The following BOD1L1 variants were observed in gnomAD, a reference collection of about 807,000 sequenced individuals.
The protein encoded by BOD1L1 is biorientation of chromosomes in cell division 1 like 1.
BOD1L1 carries 86 observed loss-of-function variants against 240.7 expected under a neutral mutation model. The observed-to-expected ratio is 0.36, with a 90% confidence interval of 0.30 to 0.43. BOD1L1 has a LOEUF of 0.43. BOD1L1 is among the 20% of genes least tolerant of loss of function. BOD1L1 has a pLI of 1.00. For synonymous variants in BOD1L1, 1,268 were observed against 1,272.3 expected, an observed-to-expected ratio of 1.00 and a Z score of 0.07; for missense variants, 3,554 against 3,643.5, an observed-to-expected ratio of 0.98 and a Z score of 0.63.
In BOD1L1 at chr4:13,579,352, C is replaced by T. The variant is rs183834463; in HGVS notation, c.8749+576G>A. Among the ~76,000 whole-genome samples the T allele has an allele frequency of 5.5e-3, 833 of 152,260 alleles. 10 individuals carry two copies. The highest frequency in any genetic ancestry group is 6.4e-3 in the Non-Finnish European group (432 of 68,024). On this transcript the variant is annotated intron_variant, in intron 22 of 25. Transcript: ENST00000040738. ...CAAAAAATAAATGAACCTTAATTTACCAAGACACAAGAAAAAATGAAGTAC... is the reference window on the plus strand; with the variant it reads ...CAAAAAATAAATGAACCTTAATTTATCAAGACACAAGAAAAAATGAAGTAC...
chr4:13,596,549 T>C (rs918142396), intron 11 of BOD1L1, among the ~76,000 whole-genome samples: 2 of 149,690 alleles, frequency 1.3e-5, no homozygotes, highest in Non-Finnish European at 3.0e-5. Context: ...AAAGAGGATA[T>C]GGAGACTAAA....
At position 13,603,538 on chromosome 4, in the gene BOD1L1, T is replaced by C. The variant is rs1166587104; in HGVS notation, c.3362A>G (p.Glu1121Gly). Residue 1121 changes from glutamate (E) to glycine (G), a missense_variant, in exon 10 of 26, where the codon GAA becomes GGA. Glu to Gly is a moderately conservative substitution (Grantham distance 98, BLOSUM62 -2). Transcript: ENST00000040738. ...MTLIPEQEPM[E>G]IDSEPGVENV... ...TTCAACACCTGGCTCAGAATCAATT[T>C]CCATTGGCTCTTGTTCAGGGATCAA... 6.2e-6 allele frequency: 10 copies of C among 1,613,948 alleles called. No individual in the cohort carries two copies. The highest frequency in any genetic ancestry group is 1.3e-5 in the African/African-American group (1 of 74,944).
chr4:13,579,940 C>T lies in BOD1L1; in HGVS notation c.8737G>A (p.Val2913Ile). Residue 2913 changes from valine (V) to isoleucine (I), a missense_variant, in exon 22 of 26, where the codon GTA (valine) becomes ATA (isoleucine). By Grantham distance (29) the Val-to-Ile change is conservative. Around this residue, in one of 2 missense-constraint regions of BOD1L1, gnomAD observed 3,393 missense variants for 3,427.1 expected, o/e 0.99. Coordinates refer to ENST00000040738, the MANE Select transcript of BOD1L1 (RefSeq NM_148894.3). ...EQSPSSSKLK[V>I]MQTDESNKET... ...GGTAGGTACATACCTGTTTGCATTA[C>T]TTTCAGTTTGCTGCTAGATGGAGAT... 1 of 1,562,016 alleles carries T rather than the reference C, an allele frequency of 6.4e-7. No homozygotes were observed.
chr4:13,625,428 A>G (rs1165709758), intron 1 of BOD1L1: 1 of 152,184 alleles, frequency 6.6e-6, no homozygotes, highest in Non-Finnish European at 1.5e-5. Flanking sequence ...TCCCTCCAAA[A>G]AAGGTTTTAA....
chr4:13,627,652 A>T lies in BOD1L1; in HGVS notation c.-65T>A. ...GACGATCCTGGGAGGCGGCGGCTGC[A>T]CTGGTCCCGCCGCCTGAGGGAAGCC... On this transcript the variant is annotated 5_prime_UTR_variant, in exon 1 of 26. Coordinates refer to ENST00000040738, the MANE Select transcript of BOD1L1 (RefSeq NM_148894.3). 1 of 1,088,612 alleles carries T rather than the reference A, an allele frequency of 9.2e-7. No individual in the cohort carries two copies. Among genetic ancestry groups the T allele is most frequent in the Non-Finnish European group, 1.1e-6 (1 of 894,404 alleles). The allele number at this position is 1,088,612 out of a possible 1,614,324, so 67.4% of individuals were successfully genotyped here.
chr4:13,608,435 C>G, intron 8 of BOD1L1, 95 bp downstream of exon 8: 3 of 1,181,994 alleles, frequency 2.5e-6, no homozygotes, highest in Non-Finnish European at 3.4e-6. Context: ...ACATACACAA[C>G]CAAAGTACAA....
Position 13,602,305 on chromosome 4 carries a change from G to C in BOD1L1, c.4595C>G (p.Pro1532Arg). Residue 1532 changes from proline (P) to arginine (R), a missense_variant, in exon 10 of 26, where the codon CCA becomes CGA. Physicochemically the swap from Pro to Arg is moderately radical, Grantham distance 103. Around this residue, in one of 2 missense-constraint regions of BOD1L1, gnomAD observed 3,393 missense variants for 3,427.1 expected, o/e 0.99. Transcript: ENST00000040738. Reference protein sequence around the residue: ...EGKDKDVTLSPVKAGPATTTS... With the variant: ...EGKDKDVTLSRVKAGPATTTS... ...GGTTGTGGCAGGCCCAGCCTTCACT[G>C]GACTTAAGGTGACATCTTTGTCCTT... 1 of 1,613,902 alleles carries C rather than the reference G, an allele frequency of 6.2e-7. No homozygotes were observed. The highest frequency in any genetic ancestry group is 8.5e-7 in the Non-Finnish European group (1 of 1,179,860).
intron 5 of BOD1L1, among the ~76,000 whole-genome samples, chr4:13,612,420 G>C (rs546546648): frequency 6.6e-6 from 1 of 152,114 alleles, no homozygotes; most frequent in African/African-American, 2.4e-5. Flanking sequence ...GCACAGACTC[G>C]GGTTTGAAAT....
chr4:13,593,425 G>A (rs183524627), intron 12 of BOD1L1: 94 of 152,170 alleles, frequency 6.2e-4, no homozygotes, highest in African/African-American at 2.2e-3. Context: ...AATGATGGGT[G>A]CCTGCAATAC....
intron 25 of BOD1L1, among the ~76,000 whole-genome samples, chr4:13,574,674 C>A (rs1476071189): frequency 6.6e-6 from 1 of 152,068 alleles, no homozygotes; most frequent in African/African-American, 2.4e-5. Flanking sequence ...GGGTGTTGGG[C>A]TCCAGCACCC....
chr4:13,595,726 T>C, intron 12 of BOD1L1, 134 bp downstream of exon 12: 1 of 611,500 alleles, frequency 1.6e-6, no homozygotes, highest in Non-Finnish European at 2.8e-6. Context: ...TTCTCCCTAA[T>C]CTATTTTAAA....
chr4:13,603,815 T>C lies in BOD1L1; in HGVS notation c.3085A>G (p.Ser1029Gly). 2 of 1,613,616 alleles carry C rather than the reference T, an allele frequency of 1.2e-6. No individual in the cohort carries two copies. Among genetic ancestry groups the C allele is most frequent in the South Asian group, 2.2e-5 (2 of 91,080 alleles). Residue 1029 changes from serine to glycine, a missense_variant, in exon 10 of 26, where the codon AGT becomes GGT. By Grantham distance (56) the Ser-to-Gly change is moderately conservative. Around this residue, in one of 2 missense-constraint regions of BOD1L1, gnomAD observed 3,393 missense variants for 3,427.1 expected, o/e 0.99. Coordinates refer to ENST00000040738, the MANE Select transcript of BOD1L1 (RefSeq NM_148894.3). ...GHKSRSLKHS[S>G]KDIKKKDENK... ...TCGTCCTTCTTTTTTATGTCTTTAC[T>C]ACTATGCTTTAAGCTTCTGCTTTTG... is the stretch of plus-strand genomic sequence containing the variant.
Position 13,605,001 on chromosome 4 carries a change from T to A in BOD1L1, c.1899A>T (p.Arg633Ser). ...AKSEPSKPAR[R>S]LSESLHVVDE... ...CAACTACATGCAAAGACTCTGAAAG[T>A]CTCCGGGCAGGTTTACTTGGTTCAC... Residue 633 changes from arginine to serine, a missense_variant, in exon 10 of 26, where the codon AGA becomes AGT. Physicochemically the swap from Arg to Ser is moderately radical, Grantham distance 110. This residue lies in a region of BOD1L1 where 3,393 missense variants were observed against 3,427.1 expected (regional missense o/e 0.99). Coordinates refer to ENST00000040738, the MANE Select transcript of BOD1L1 (RefSeq NM_148894.3). 6.2e-7 allele frequency: 1 copy of A among 1,611,456 alleles called. No individual in the cohort carries two copies. The highest frequency in any genetic ancestry group is 8.5e-7 in the Non-Finnish European group (1 of 1,179,244).
chr4:13,596,874 A>T (rs1037787201), intron 11 of BOD1L1, among the ~76,000 whole-genome samples: 1 of 152,326 alleles, frequency 6.6e-6, no homozygotes, highest in Admixed American at 6.5e-5. Flanking sequence ...GGAGAAACTG[A>T]GGGTGACTCT....
intron 11 of BOD1L1, among the ~76,000 whole-genome samples, chr4:13,596,895 G>C (rs1313096681): frequency 1.1e-4 from 16 of 152,186 alleles, no homozygotes; most frequent in Non-Finnish European, 8.8e-5. Context: ...TGTGTTTCTG[G>C]CTTGAGTAAA....
At position 13,586,402 on chromosome 4, in the gene BOD1L1, G is replaced by A. The variant is rs752392271; in HGVS notation, c.8427C>T (p.Asp2809=). ...TAATATGTGGAAAAAATACCTTTGT[G>A]TCATGTGGCTCCGTTTCAGGACACT... ...QRQCPETEPH[D]TKEENSRDLE... The change falls in exon 17 of 26, where the codon GAC becomes GAT. Residue 2809 remains aspartate (D), a synonymous_variant. Coordinates refer to ENST00000040738, the MANE Select transcript of BOD1L1 (RefSeq NM_148894.3). 1.2e-6 allele frequency: 2 copies of A among 1,609,948 alleles called. No individual in the cohort carries two copies. The highest frequency in any genetic ancestry group is 1.7e-6 in the Non-Finnish European group (2 of 1,177,230).
At position 13,611,056 on chromosome 4, in the gene BOD1L1, C is replaced by G. The variant is rs1716124369; in HGVS notation, c.1369G>C (p.Asp457His). The part of the protein sequence containing the change: ...KQNKTKTQTS[D>H]SSEGKTKSVR... ...CTTTTTGTTTTTCCTTCACTAGAAT[C>G]ACTAGTTTGAGTTTTTGTTTTATTC... The change falls in exon 6 of 26, where the codon GAT becomes CAT. Residue 457 changes from aspartate (D) to histidine (H), a missense_variant. Asp to His is a moderately conservative substitution (Grantham distance 81, BLOSUM62 -1). Transcript: ENST00000040738. 1 of 1,610,800 alleles carries G rather than the reference C, an allele frequency of 6.2e-7. No homozygotes were observed. Among genetic ancestry groups the G allele is most frequent in the African/African-American group, 1.3e-5 (1 of 74,798 alleles).
intron 25 of BOD1L1, among the ~76,000 whole-genome samples, chr4:13,573,446 A>ATCTG (rs1712395896): frequency 8.3e-6 from 1 of 120,042 alleles, no homozygotes; most frequent in South Asian, 2.7e-4. Flanking sequence ...CTGTCTGTCT[A>ATCTG]TCTATCTATC....
intron 18 of BOD1L1, 58 bp downstream of exon 18, chr4:13,582,594 A>G (rs1713322209): frequency 1.5e-6 from 2 of 1,300,654 alleles, no homozygotes; most frequent in Admixed American, 3.7e-5. Context: ...TTCGGTTGAG[A>G]GACACGCTGG....
Sources: gnomAD v4.1 joint callset for allele counts (sites outside exome capture counted in the v4.1 genomes callset) on GRCh38, gnomAD v4.1.1 for gene constraint, gnomAD v4.1.1 regional missense constraint, MANE v1.5 for transcripts, NCBI Gene and HGNC (gene_info 2026-07-23, HGNC 2026-07-21) for gene names.